Variants in MEGF10 observed in about 807,000 individuals in gnomAD.
MEGF10 encodes multiple EGF like domains 10.
A neutral mutation model predicts 147.5 loss-of-function variants in MEGF10; 86 were observed. That is an observed-to-expected ratio of 0.58 (90% CI 0.49 to 0.70). MEGF10 has a LOEUF of 0.70. MEGF10 is among the 30% of genes least tolerant of loss of function. MEGF10 has a pLI of 0.00. For missense variants in MEGF10, 1,329 were observed against 1,487.3 expected (o/e 0.89, Z 1.75); for synonymous variants, 478 against 525.5 (o/e 0.91, Z 1.24).
At chr5:127,286,785 T>C (rs1275112712), upstream of MEGF10, among the ~76,000 whole-genome samples, 1 of 151,840 alleles carries the variant, frequency 6.6e-6, no homozygotes, top group Non-Finnish European at 1.5e-5. Flanking sequence ...TCAATGAAAC[T>C]AAAGCCTGAT....
chr5:127,359,466 C>G (rs925370314), intron 4 of MEGF10, among the ~76,000 whole-genome samples: 1 of 151,992 alleles, frequency 6.6e-6, no homozygotes, highest in Non-Finnish European at 1.5e-5. Context: ...TAAACCCTCA[C>G]CTCAATTATG....
At chr5:127,418,380 G>C (rs1383827249) in intron 10 of MEGF10, among the ~76,000 whole-genome samples, 2 of 152,202 alleles carry the variant, frequency 1.3e-5, no homozygotes, top group Non-Finnish European at 2.9e-5. Flanking sequence ...TGTTGTTCTT[G>C]AATTATTCCT....
intron 1 of MEGF10, among the ~76,000 whole-genome samples, chr5:127,302,847 G>A (rs1759832636): frequency 6.6e-6 from 1 of 152,204 alleles, no homozygotes; most frequent in Non-Finnish European, 1.5e-5. Flanking sequence ...CTCAGAAGGA[G>A]AGATCATCGG....
the MEGF10 span, among the ~76,000 whole-genome samples, chr5:127,236,384 A>G: frequency 6.6e-6 from 1 of 152,242 alleles, no homozygotes; most frequent in Admixed American, 6.5e-5. Context: ...AGCTGAAGAC[A>G]GTATGTAAAC....
chr5:127,287,687 T>C (rs1443281273), upstream of MEGF10, among the ~76,000 whole-genome samples: 1 of 151,888 alleles, frequency 6.6e-6, no homozygotes, highest in Non-Finnish European at 1.5e-5. Flanking sequence ...GCACTCTCAA[T>C]TAGAAAAGTG....
intron 8 of MEGF10, 94 bp from the exon 9 acceptor site, chr5:127,410,295 C>T (rs576365777): frequency 7.6e-6 from 9 of 1,188,400 alleles, no homozygotes; most frequent in Admixed American, 2.0e-5. Flanking sequence ...AAAGCAGCTT[C>T]GATTTATGCA....
intron 9 of MEGF10, among the ~76,000 whole-genome samples, chr5:127,416,713 C>T (rs1406137521): frequency 3.3e-5 from 5 of 152,106 alleles, no homozygotes; most frequent in South Asian, 2.1e-4. Flanking sequence ...GATTATGGGG[C>T]GTGGCTGAGA....
chr5:127,268,872 T>C, the MEGF10 span, among the ~76,000 whole-genome samples: 1 of 152,190 alleles, frequency 6.6e-6, no homozygotes, highest in African/African-American at 2.4e-5. Context: ...CTCAGCCAGG[T>C]ACCCCTTTGA....
At chr5:127,346,167 A>G (rs1175634734) in intron 4 of MEGF10, among the ~76,000 whole-genome samples, 1 of 152,188 alleles carries the variant, frequency 6.6e-6, no homozygotes, top group Non-Finnish European at 1.5e-5. Context: ...TGCTATAAAC[A>G]TGCATGTGCA....
At chr5:127,315,313 C>T (rs1412670181) in intron 1 of MEGF10, among the ~76,000 whole-genome samples, 1 of 152,112 alleles carries the variant, frequency 6.6e-6, no homozygotes, top group East Asian at 1.9e-4. Flanking sequence ...ACTTGGTGTG[C>T]ATTTATGCCC....
the MEGF10 span, among the ~76,000 whole-genome samples, chr5:127,268,741 T>C: frequency 2.0e-5 from 3 of 152,174 alleles, no homozygotes; most frequent in African/African-American, 7.2e-5. Flanking sequence ...AAGAGAGTAG[T>C]GGTTCTCCTA....
intron 13 of MEGF10, among the ~76,000 whole-genome samples, chr5:127,429,344 G>C (rs1167193214): frequency 6.6e-6 from 1 of 152,144 alleles, no homozygotes; most frequent in Admixed American, 6.5e-5. Context: ...TCCTTAGCAG[G>C]GAAGGGTCAC....
intron 22 of MEGF10, 140 bp from the exon 23 acceptor site, chr5:127,454,426 G>GATCTGGTGTAA (rs1241762628): frequency 1.6e-6 from 1 of 617,378 alleles, no homozygotes; most frequent in Non-Finnish European, 2.8e-6. Flanking sequence ...TGGGACAACT[G>GATCTGGTGTAA]ATCTGGTGTA....
In MEGF10 at chr5:127,408,080, G is replaced by T. The variant is rs954164606; in HGVS notation, c.918-2309G>T. ...AATTGTAGGTTAGAAAGGTAAATGT[G>T]GGTCAAGGCCAGCTATTATAGATTT... On this transcript the variant is annotated intron_variant, in intron 8 of 24. Transcript: ENST00000503335. 2.0e-5 allele frequency among the ~76,000 whole-genome samples: 3 copies of T among 152,242 alleles called. No homozygotes were observed. In the East Asian group the frequency reaches 5.8e-4, roughly 29 times the overall value.
At chr5:127,257,062 T>G in the MEGF10 span, among the ~76,000 whole-genome samples, 11 of 152,240 alleles carry the variant, frequency 7.2e-5, no homozygotes, top group Admixed American at 6.5e-4. Context: ...TCCTGTGAGC[T>G]CTGGAGGAAG....
chr5:127,247,508 G>A, the MEGF10 span, among the ~76,000 whole-genome samples: 2 of 150,190 alleles, frequency 1.3e-5, no homozygotes, highest in Non-Finnish European at 3.0e-5. Context: ...AATCTATGAA[G>A]TAAGACAGAA....
intron 19 of MEGF10, 97 bp from the exon 20 acceptor site, chr5:127,445,360 A>G: frequency 1.2e-6 from 1 of 828,654 alleles, no homozygotes; most frequent in Non-Finnish European, 2.0e-6. Context: ...AACTGAAAAT[A>G]TGCAGGCATT....
intron 5 of MEGF10, among the ~76,000 whole-genome samples, chr5:127,371,444 T>C (rs1762849767): frequency 6.6e-6 from 1 of 152,180 alleles, no homozygotes; most frequent in South Asian, 2.1e-4. Flanking sequence ...TTCATTAACT[T>C]TTCCAGTTTA....
chr5:127,332,098 G>A (rs1285225999), intron 2 of MEGF10, among the ~76,000 whole-genome samples: 3 of 151,884 alleles, frequency 2.0e-5, no homozygotes, highest in Non-Finnish European at 4.4e-5. Flanking sequence ...ATGATGTAAT[G>A]TCTAGATATG....
Sources: allele counts gnomAD v4.1 joint callset (sites outside exome capture counted in the v4.1 genomes callset), GRCh38; gene constraint gnomAD v4.1.1; transcripts MANE v1.5; gene names NCBI Gene and HGNC (gene_info 2026-07-23, HGNC 2026-07-21).